The following SLC39A11 variants were observed in gnomAD, a reference collection of about 807,000 sequenced individuals.
SLC39A11 encodes the protein zinc transporter ZIP11.
A neutral mutation model predicts 36.1 loss-of-function variants in SLC39A11; 33 were observed. The observed-to-expected ratio is 0.91, with a 90% confidence interval of 0.69 to 1.22. The LOEUF is 1.22. Ranked by LOEUF, SLC39A11 falls within the 50% of genes most tolerant of loss-of-function variation. The pLI, the probability that SLC39A11 is intolerant of heterozygous loss-of-function variation, is 0.00. For synonymous variants in SLC39A11, 166 were observed against 170.3 expected (o/e 0.97, Z 0.20); for missense variants, 432 against 430.3 (o/e 1.00, Z -0.03).
intron 6 of SLC39A11, among the ~76,000 whole-genome samples, chr17:72,799,677 G>A (rs1034637517): frequency 3.3e-5 from 5 of 152,066 alleles, no homozygotes; most frequent in Non-Finnish European, 7.4e-5. Context: ...GCTTACTAGG[G>A]TGGGGAAAAA....
At chr17:72,774,336 A>G (rs376355356) in intron 6 of SLC39A11, among the ~76,000 whole-genome samples, 21 of 152,304 alleles carry the variant, frequency 1.4e-4, no homozygotes, top group African/African-American at 3.6e-4. Flanking sequence ...TGAGAAATTA[A>G]TGGCTTGGGA....
intron 6 of SLC39A11, among the ~76,000 whole-genome samples, chr17:72,751,966 A>G (rs1180419026): frequency 6.6e-6 from 1 of 152,062 alleles, no homozygotes; most frequent in Non-Finnish European, 1.5e-5. Context: ...AGCCCCTGGC[A>G]ACCATCCTTC....
chr17:72,856,445 C>T (rs1485594625), intron 5 of SLC39A11, among the ~76,000 whole-genome samples: 5 of 152,074 alleles, frequency 3.3e-5, no homozygotes, highest in African/African-American at 4.8e-5. Context: ...TCCTGTGATC[C>T]GCTTAGGTTT....
intron 4 of SLC39A11, among the ~76,000 whole-genome samples, chr17:72,951,060 G>A (rs927423210): frequency 5.3e-5 from 8 of 150,652 alleles, no homozygotes; most frequent in African/African-American, 1.7e-4. Context: ...CCAGGAGTTC[G>A]AGACCAGCCT....
intron 4 of SLC39A11, among the ~76,000 whole-genome samples, chr17:72,959,325 GTA>G (rs1186282631): frequency 0.028 from 1,857 of 65,316 alleles, 21 homozygotes; most frequent in Non-Finnish European, 0.038. Flanking sequence ...GTGTGTGTGT[GTA>G]TATATATATA....
chr17:72,965,390 C>A (rs1033728528), intron 4 of SLC39A11, among the ~76,000 whole-genome samples: 20 of 152,234 alleles, frequency 1.3e-4, no homozygotes, highest in African/African-American at 4.6e-4. Flanking sequence ...TTTGACTTTA[C>A]AACGGTGCAA....
intron 7 of SLC39A11, among the ~76,000 whole-genome samples, chr17:72,735,140 G>T (rs759071155): frequency 1.3e-5 from 2 of 152,164 alleles, no homozygotes; most frequent in Non-Finnish European, 2.9e-5. Context: ...AGTCTGAGAG[G>T]CAGGAACATG....
chr17:72,758,496 C>T (rs188872591), intron 6 of SLC39A11, among the ~76,000 whole-genome samples: 1 of 152,262 alleles, frequency 6.6e-6, no homozygotes, highest in Admixed American at 6.5e-5. Context: ...GGAGGTAGCC[C>T]ATTGTCATAG....
intron 4 of SLC39A11, among the ~76,000 whole-genome samples, chr17:73,007,177 C>G (rs985220875): frequency 4.6e-5 from 7 of 152,140 alleles, no homozygotes; most frequent in Non-Finnish European, 7.3e-5. Context: ...AATCCCAGCA[C>G]TTTCGGAGGC....
intron 7 of SLC39A11, among the ~76,000 whole-genome samples, chr17:72,720,340 G>A (rs949876803): frequency 2.2e-5 from 3 of 135,904 alleles, no homozygotes; most frequent in Non-Finnish European, 3.2e-5. Context: ...AGAAACAGGA[G>A]TAGAAGCAGT....
chr17:72,710,405 T>G (rs951788962), intron 7 of SLC39A11, among the ~76,000 whole-genome samples: 1 of 152,188 alleles, frequency 6.6e-6, no homozygotes, highest in Non-Finnish European at 1.5e-5. Context: ...GTGGGGCTTT[T>G]GGGGAAGTGA....
At chr17:73,025,582 C>A (rs1292840143) in intron 4 of SLC39A11, among the ~76,000 whole-genome samples, 1 of 152,114 alleles carries the variant, frequency 6.6e-6, no homozygotes, top group African/African-American at 2.4e-5. Context: ...AAAATCATTT[C>A]AAATTTAAAA....
chr17:73,054,525 T>TGGGGAGGAAAGAAGACAAACA (rs1207067442), intron 3 of SLC39A11, among the ~76,000 whole-genome samples: 8 of 152,002 alleles, frequency 5.3e-5, no homozygotes, highest in Non-Finnish European at 7.4e-5. Context: ...GCTTCTAGTT[T>TGGGGAGGAAAGAAGACAAACA]GGGGAGGAAA....
chr17:72,951,167 CAGG>C (rs2085833962), intron 4 of SLC39A11, among the ~76,000 whole-genome samples: 1 of 147,914 alleles, frequency 6.8e-6, no homozygotes, highest in Non-Finnish European at 1.5e-5. Context: ...GAGGCTGTGG[CAGG>C]AGGACTGCTT....
intron 3 of SLC39A11, among the ~76,000 whole-genome samples, chr17:73,052,920 C>G (rs1486210314): frequency 1.3e-5 from 2 of 152,160 alleles, no homozygotes; most frequent in Admixed American, 1.3e-4. Context: ...AGGCTGGTCT[C>G]GAACTCCTGA....
chr17:72,691,400 A>C (rs1205152273), intron 7 of SLC39A11, among the ~76,000 whole-genome samples: 1 of 152,168 alleles, frequency 6.6e-6, no homozygotes, highest in East Asian at 1.9e-4. Context: ...TATATAAAAA[A>C]AAAATGGTTA....
At chr17:73,083,338 G>C (rs1187875379) in intron 3 of SLC39A11, among the ~76,000 whole-genome samples, 2 of 152,166 alleles carry the variant, frequency 1.3e-5, no homozygotes, top group South Asian at 2.1e-4. Context: ...GCTCAGAAAG[G>C]ACAGTGTTTT....
At chr17:73,051,447 T>C (rs963882334) in intron 3 of SLC39A11, among the ~76,000 whole-genome samples, 8 of 151,934 alleles carry the variant, frequency 5.3e-5, no homozygotes, top group Admixed American at 1.3e-4. Context: ...GGAATCCAGA[T>C]GACTCAGGTT....
intron 7 of SLC39A11, among the ~76,000 whole-genome samples, chr17:72,684,418 G>A (rs977941918): frequency 2.6e-5 from 4 of 152,210 alleles, no homozygotes; most frequent in Non-Finnish European, 4.4e-5. Flanking sequence ...CAGGACAGAG[G>A]ACCTTTCTCT....
Sources: gnomAD v4.1 joint callset for allele counts (sites outside exome capture counted in the v4.1 genomes callset) on GRCh38, gnomAD v4.1.1 for gene constraint, MANE v1.5 for transcripts, NCBI Gene and HGNC (gene_info 2026-07-23, HGNC 2026-07-21) for gene names.